MTCL1: variants seen among roughly 807,000 people sequenced by gnomAD.
The protein encoded by MTCL1 is microtubule crosslinking factor 1.
Under a neutral mutation model 141.4 loss-of-function variants are expected in MTCL1, and 79 were observed. That is an observed-to-expected ratio of 0.56 (90% CI 0.47 to 0.67). The LOEUF is 0.67. Among genes scored for constraint, MTCL1 ranks in the 30% least tolerant of loss-of-function variants. The pLI is 0.00. For synonymous variants in MTCL1, 914 were observed against 875.8 expected, an observed-to-expected ratio of 1.04 and a Z score of -0.77; for missense variants, 2,177 against 2,113.9, an observed-to-expected ratio of 1.03 and a Z score of -0.59.
At chr18:8,759,608 C>T (rs972238772) in intron 4 of MTCL1, among the ~76,000 whole-genome samples, 2 of 152,162 alleles carry the variant, frequency 1.3e-5, no homozygotes, top group African/African-American at 4.8e-5. Flanking sequence ...GGGAAGAAAA[C>T]TTTTCAAAGA....
chr18:8,741,727 C>T (rs1483779690), intron 4 of MTCL1, among the ~76,000 whole-genome samples: 1 of 152,156 alleles, frequency 6.6e-6, no homozygotes, highest in Non-Finnish European at 1.5e-5. Context: ...GATGTGCTTG[C>T]TGTTCGGGAG....
At chr18:8,757,098 A>G (rs1390838464) in intron 4 of MTCL1, among the ~76,000 whole-genome samples, 1 of 152,224 alleles carries the variant, frequency 6.6e-6, no homozygotes, top group African/African-American at 2.4e-5. Context: ...TGTCATTTTC[A>G]TATAAGAAGG....
intron 10 of MTCL1, 23 bp from the exon 10 acceptor site, chr18:8,806,870 A>C: frequency 6.2e-7 from 1 of 1,605,702 alleles, no homozygotes; most frequent in Admixed American, 1.7e-5. Context: ...GAGGTGGTGG[A>C]GCCTGACTCA....
chr18:8,737,187 G>A lies in MTCL1; in HGVS notation c.357+16691G>A, dbSNP rs533356223. 2.0e-4 allele frequency among the ~76,000 whole-genome samples: 30 copies of A among 152,272 alleles called. No individual in the cohort carries two copies. The South Asian group carries it at 5.8e-3, about 29-fold the overall frequency. ...CGGGACATTCACACACAGGACGCTG[G>A]CATCACTCTTCACTTTCATCTTCAA... On this transcript the variant is annotated intron_variant, in intron 4 of 16. Coordinates refer to ENST00000359865, the Ensembl canonical transcript of MTCL1.
At chr18:8,816,861 A>C (rs570386716) in intron 12 of MTCL1, among the ~76,000 whole-genome samples, 51 of 152,290 alleles carry the variant, frequency 3.3e-4, no homozygotes, top group African/African-American at 1.0e-3. Context: ...GTAGGTGCTG[A>C]TGCTGGCTGA....
At chr18:8,831,974 G>A in exon 17 of MTCL1, 4 of 773,134 alleles carry the variant, frequency 5.2e-6, no homozygotes, top group South Asian at 1.9e-5. Context: ...GATGTTTCTA[G>A]AATGAAACAG....
chr18:8,710,836 T>G (rs1393842185), intron 1 of MTCL1, among the ~76,000 whole-genome samples: 1 of 80,580 alleles, frequency 1.2e-5, no homozygotes, highest in Non-Finnish European at 2.2e-5. Context: ...TGGAAGGCTT[T>G]CTTTTTTTTT....
chr18:8,786,131 C>CCCCCCCTTTTTT, intron 7 of MTCL1, 40 bp downstream of exon 6: 1 of 1,520,142 alleles, frequency 6.6e-7, no homozygotes, highest in Non-Finnish European at 8.9e-7. Context: ...CGCCCTCCCC[C>CCCCCCCTTTTTT]TCCTTTTTCT....
At chr18:8,825,504 G>A in exon 15 of MTCL1, 1 of 1,611,888 alleles carries the variant, frequency 6.2e-7, no homozygotes, top group Non-Finnish European at 8.5e-7. Flanking sequence ...CTTGCAGACT[G>A]AAGCCCTGCG....
chr18:8,827,851 A>C (rs79476052), intron 15 of MTCL1, among the ~76,000 whole-genome samples: 259 of 152,382 alleles, frequency 1.7e-3, no homozygotes, highest in Non-Finnish European at 3.1e-3. Flanking sequence ...GCATTATGGC[A>C]TGAAAACGGT....
chr18:8,756,433 A>ATGTATATATG (rs747194301), intron 4 of MTCL1, among the ~76,000 whole-genome samples: 202 of 138,110 alleles, frequency 1.5e-3, no homozygotes, highest in African/African-American at 4.7e-3. Context: ...ATGTGTATAT[A>ATGTATATATG]TGTATATATG....
chr18:8,717,185 C>T (rs2096134155), upstream of MTCL1, among the ~76,000 whole-genome samples: 2 of 152,112 alleles, frequency 1.3e-5, no homozygotes, highest in African/African-American at 4.8e-5. Flanking sequence ...TGAAGCTTAC[C>T]TTGTTAGTGT....
At chr18:8,770,571 C>T (rs542642175) in intron 4 of MTCL1, among the ~76,000 whole-genome samples, 1 of 152,300 alleles carries the variant, frequency 6.6e-6, no homozygotes, top group African/African-American at 2.4e-5. Flanking sequence ...TCATTGCAAC[C>T]TAGTTACGTC....
chr18:8,791,693 A>C (rs1201656804), intron 7 of MTCL1, among the ~76,000 whole-genome samples: 2 of 152,202 alleles, frequency 1.3e-5, no homozygotes, highest in African/African-American at 4.8e-5. Context: ...AAAATTAGTC[A>C]TTGAGGTCAA....
chr18:8,759,961 C>G (rs11662180), intron 4 of MTCL1, among the ~76,000 whole-genome samples: 8,112 of 152,174 alleles, frequency 0.053, 361 homozygotes, highest in East Asian at 0.2. Context: ...TGGGTCTGCT[C>G]CACCACAGCA....
At chr18:8,770,659 A>C (rs1007649517) in intron 4 of MTCL1, among the ~76,000 whole-genome samples, 1 of 152,226 alleles carries the variant, frequency 6.6e-6, no homozygotes, top group African/African-American at 2.4e-5. Flanking sequence ...ACAAACATTT[A>C]GTCCATAACA....
At chr18:8,767,593 T>C (rs555796804) in intron 4 of MTCL1, among the ~76,000 whole-genome samples, 4 of 152,310 alleles carry the variant, frequency 2.6e-5, no homozygotes, top group Non-Finnish European at 5.9e-5. Context: ...AATCCTGCAG[T>C]TTAATCTCCT....
chr18:8,729,068 C>T (rs2148855695), intron 4 of MTCL1, among the ~76,000 whole-genome samples: 1 of 149,382 alleles, frequency 6.7e-6, no homozygotes, highest in South Asian at 2.1e-4. Flanking sequence ...TTTTTTGAGA[C>T]AAGGTCTTGC....
At chr18:8,809,121 AT>A (rs1239175939) in intron 11 of MTCL1, among the ~76,000 whole-genome samples, 2 of 152,202 alleles carry the variant, frequency 1.3e-5, no homozygotes, top group Non-Finnish European at 2.9e-5. Flanking sequence ...TAAGGAATTG[AT>A]ACTTTAATCC....
Sources: gnomAD v4.1 joint callset for allele counts (sites outside exome capture counted in the v4.1 genomes callset) on GRCh38, gnomAD v4.1.1 for gene constraint, MANE v1.5 for transcripts, NCBI Gene and HGNC (gene_info 2026-07-23, HGNC 2026-07-21) for gene names.